The following PIK3R3 variants were observed in gnomAD, a reference collection of about 807,000 sequenced individuals.
PIK3R3 encodes the protein phosphatidylinositol 3-kinase regulatory subunit gamma.
Under a neutral mutation model 62.9 loss-of-function variants are expected in PIK3R3, and 64 were observed. The observed-to-expected ratio is 1.02, with a 90% confidence interval of 0.83 to 1.25. PIK3R3 has a LOEUF of 1.25. Ranked by LOEUF, PIK3R3 falls within the 50% of genes most tolerant of loss-of-function variation. The pLI is 0.00. For synonymous variants in PIK3R3, 165 were observed against 189.0 expected, an observed-to-expected ratio of 0.87 and a Z score of 1.04; for missense variants, 614 against 561.6, an observed-to-expected ratio of 1.09 and a Z score of -0.94.
the PIK3R3 span, among the ~76,000 whole-genome samples, chr1:46,144,263 T>C: frequency 6.6e-6 from 1 of 152,112 alleles, no homozygotes; most frequent in Non-Finnish European, 1.5e-5. Flanking sequence ...AAAGAAATGC[T>C]CTGAAAGGAG....
the PIK3R3 span, among the ~76,000 whole-genome samples, chr1:46,153,565 TG>T: frequency 6.6e-6 from 1 of 152,224 alleles, no homozygotes. Flanking sequence ...TGGTGTGACT[TG>T]TAACTGCTGT....
chr1:46,172,339 A>G, the PIK3R3 span, among the ~76,000 whole-genome samples: 4 of 152,046 alleles, frequency 2.6e-5, no homozygotes, highest in Non-Finnish European at 5.9e-5. Context: ...AAGAAAAGTG[A>G]GGTGGTAGGG....
At chr1:46,152,851 C>G in the PIK3R3 span, among the ~76,000 whole-genome samples, 5 of 152,154 alleles carry the variant, frequency 3.3e-5, no homozygotes, top group African/African-American at 4.8e-5. Context: ...CATGAGCCAC[C>G]GCGCCCAGCC....
chr1:46,103,280 T>C (rs1407903518), intron 1 of PIK3R3, among the ~76,000 whole-genome samples: 3 of 152,104 alleles, frequency 2.0e-5, no homozygotes, highest in Admixed American at 2.0e-4. Context: ...ACAATACACT[T>C]GAAAATGGTT....
Position 46,120,580 on chromosome 1 carries a change from TA to T in PIK3R3, c.106+11266del, listed in dbSNP as rs530021702. On this transcript the variant is annotated intron_variant, in intron 1 of 9. Transcript: ENST00000262741. ...GAGGGAGCCTCCGTCTCAAAAAAAA[TA>T]GAAAATGAGAATGCATTTCCCACAG... Among the ~76,000 whole-genome samples, 337 of 152,136 alleles carry T rather than the reference TA, an allele frequency of 2.2e-3. 1 individual carries two copies. Among genetic ancestry groups the T allele is most frequent in the African/African-American group, 7.8e-3 (325 of 41,516 alleles).
chr1:46,140,466 A>G, the PIK3R3 span, among the ~76,000 whole-genome samples: 1 of 152,212 alleles, frequency 6.6e-6, no homozygotes, highest in Non-Finnish European at 1.5e-5. Context: ...GGAAGCTCTG[A>G]ATGTGAACTT....
intron 5 of PIK3R3, among the ~76,000 whole-genome samples, chr1:46,064,556 A>G (rs1250024643): frequency 1.3e-5 from 2 of 152,222 alleles, no homozygotes; most frequent in Non-Finnish European, 2.9e-5. Context: ...AATATCAATA[A>G]TAAAATAAAA....
chr1:46,080,715 C>T lies in PIK3R3; in HGVS notation c.142G>A (p.Ala48Thr). The T allele has an allele frequency of 6.2e-7, 1 of 1,613,824 alleles. No homozygotes were observed. The highest frequency in any genetic ancestry group is 8.5e-7 in the Non-Finnish European group (1 of 1,179,722). Residue 48 changes from alanine to threonine, a missense_variant, in exon 2 of 10, where the codon GCA (alanine) becomes ACA (threonine). Coordinates refer to ENST00000262741, the MANE Select transcript of PIK3R3 (RefSeq NM_003629.4). ...CTGTCCTTCATTCCATTTGGAACTGCTGAAGTCATTGGCTTAGGTGGCTTT... is the reference window on the plus strand; with the variant it reads ...CTGTCCTTCATTCCATTTGGAACTGTTGAAGTCATTGGCTTAGGTGGCTTT... ...PPKPPKPMTS[A>T]VPNGMKDSSV...
At chr1:46,050,920 ATGCTAAG>A (rs1353732094) in intron 7 of PIK3R3, among the ~76,000 whole-genome samples, 1 of 152,234 alleles carries the variant, frequency 6.6e-6, no homozygotes, top group African/African-American at 2.4e-5. Context: ...TGAAAACACC[ATGCTAAG>A]TGAAAGAAGC....
At chr1:46,089,609 G>A (rs1206241509) in intron 1 of PIK3R3, among the ~76,000 whole-genome samples, 2 of 151,882 alleles carry the variant, frequency 1.3e-5, no homozygotes, top group East Asian at 3.9e-4. Flanking sequence ...CAGCGACTCG[G>A]GAGGCTGAGA....
chr1:46,109,288 A>C (rs1428931826), intron 1 of PIK3R3, among the ~76,000 whole-genome samples: 1 of 151,930 alleles, frequency 6.6e-6, no homozygotes, highest in Admixed American at 6.6e-5. Context: ...CCTCCCAGTT[A>C]CTCTTCTATT....
chr1:46,130,425 C>T (rs749524815), intron 1 of PIK3R3, among the ~76,000 whole-genome samples: 3 of 152,060 alleles, frequency 2.0e-5, no homozygotes, highest in African/African-American at 7.2e-5. Flanking sequence ...AAAGCTGCAT[C>T]TGGATTGCAG....
At chr1:46,064,183 A>G (rs955701802) in intron 5 of PIK3R3, among the ~76,000 whole-genome samples, 2 of 152,148 alleles carry the variant, frequency 1.3e-5, no homozygotes, top group Admixed American at 1.3e-4. Flanking sequence ...ACTACACTCC[A>G]GCCTGGGCAA....
At chr1:46,046,922 C>T in intron 7 of PIK3R3, 2 of 455,668 alleles carry the variant, frequency 4.4e-6, no homozygotes, top group East Asian at 7.7e-5. Context: ...CACATACTCG[C>T]ACTCACAGTG....
Position 46,043,725 on chromosome 1 carries a change from T to C in PIK3R3, c.1334A>G (p.Asn445Ser), listed in dbSNP as rs779144895. Residue 445 changes from asparagine to serine, a missense_variant, in exon 10 of 10, where the codon AAC becomes AGC. Asn to Ser is a conservative substitution (Grantham distance 46, BLOSUM62 1). Transcript: ENST00000262741. Reference sequence around the variant, plus strand: ...ATGAACAGGGTAGGCAAGCCTGACGTTGAGGGAGTCGTTGTGCTGAACCAA... The same window carrying C: ...ATGAACAGGGTAGGCAAGCCTGACGCTGAGGGAGTCGTTGTGCTGAACCAA... ...TSLVQHNDSL[N>S]VRLAYPVHAQ... 1.1e-5 allele frequency: 18 copies of C among 1,614,220 alleles called. No homozygotes were observed. Among genetic ancestry groups the C allele is most frequent in the East Asian group, 2.2e-5 (1 of 44,886 alleles).
At chr1:46,078,336 G>A (rs996169951) in intron 2 of PIK3R3, among the ~76,000 whole-genome samples, 26 of 152,212 alleles carry the variant, frequency 1.7e-4, no homozygotes, top group African/African-American at 5.5e-4. Context: ...TCACGGGTTC[G>A]AGACCAACCT....
At chr1:46,165,504 C>G in the PIK3R3 span, among the ~76,000 whole-genome samples, 1 of 151,556 alleles carries the variant, frequency 6.6e-6, no homozygotes, top group Non-Finnish European at 1.5e-5. Flanking sequence ...GGGGTTTACT[C>G]CATGTTGGTC....
At chr1:46,157,429 T>TGG in the PIK3R3 span, among the ~76,000 whole-genome samples, 1 of 152,182 alleles carries the variant, frequency 6.6e-6, no homozygotes. Flanking sequence ...CCACTGTGCC[T>TGG]GACCATAGAT....
intron 1 of PIK3R3, among the ~76,000 whole-genome samples, chr1:46,109,667 G>A (rs1441572835): frequency 6.6e-6 from 1 of 151,890 alleles, no homozygotes; most frequent in East Asian, 1.9e-4. Context: ...TGCCTTTTTA[G>A]TAGAGATGTG....
Sources: allele counts gnomAD v4.1 joint callset (sites outside exome capture counted in the v4.1 genomes callset), GRCh38; gene constraint gnomAD v4.1.1; transcripts MANE v1.5; gene names NCBI Gene and HGNC (gene_info 2026-07-23, HGNC 2026-07-21).